Variants in PRKN observed in about 807,000 individuals in gnomAD.
The protein encoded by PRKN is parkin RBR E3 ubiquitin protein ligase.
In PRKN, 56 loss-of-function variants were observed where a neutral mutation model predicts 59.5. The observed-to-expected ratio is 0.94, with a 90% confidence interval of 0.76 to 1.18. The LOEUF (loss-of-function observed/expected upper bound fraction) is 1.18, where lower values mean the gene tolerates loss of function less well. Ranked by LOEUF, PRKN falls within the 50% of genes most tolerant of loss-of-function variation. The probability of loss-of-function intolerance (pLI) is 0.00; values close to 1 mark genes in which losing one functional copy is unlikely to be tolerated. For synonymous variants in PRKN, 250 were observed against 222.1 expected, an observed-to-expected ratio of 1.13 and a Z score of -1.12; for missense variants, 657 against 596.4, an observed-to-expected ratio of 1.10 and a Z score of -1.06.
At chr6:162,454,463 G>A (rs1790770807) in intron 1 of PRKN, among the ~76,000 whole-genome samples, 1 of 152,182 alleles carries the variant, frequency 6.6e-6, no homozygotes, top group Non-Finnish European at 1.5e-5. Context: ...ATAATTGGGA[G>A]ACCATTTACT....
intron 6 of PRKN, among the ~76,000 whole-genome samples, chr6:161,802,265 T>C (rs1158846338): frequency 1.3e-5 from 2 of 152,096 alleles, no homozygotes. Context: ...CAAGTCCTAA[T>C]GGTGACTTTA....
chr6:162,574,682 C>CAT (rs1780487619), intron 1 of PRKN, among the ~76,000 whole-genome samples: 2 of 34,044 alleles, frequency 5.9e-5, no homozygotes, highest in African/African-American at 2.6e-4. Flanking sequence ...AGATTGCTAT[C>CAT]CCCCAAAATG....
intron 7 of PRKN, among the ~76,000 whole-genome samples, chr6:161,671,371 A>AC (rs944444287): frequency 5.3e-5 from 8 of 151,760 alleles, no homozygotes; most frequent in African/African-American, 1.7e-4. Flanking sequence ...ACGGGCTCAG[A>AC]CCCCCCACTG....
chr6:162,046,565 C>G (rs1407543881), intron 5 of PRKN, among the ~76,000 whole-genome samples: 2 of 152,214 alleles, frequency 1.3e-5, no homozygotes, highest in Non-Finnish European at 2.9e-5. Flanking sequence ...AGATTCTCTG[C>G]TACAGCCGCA....
At chr6:162,259,486 A>G (rs2128099062) in intron 3 of PRKN, among the ~76,000 whole-genome samples, 1 of 152,362 alleles carries the variant, frequency 6.6e-6, no homozygotes, top group East Asian at 1.9e-4. Flanking sequence ...AGAAACATGG[A>G]AAAACATGCA....
At chr6:162,102,008 C>T (rs998120354) in intron 4 of PRKN, among the ~76,000 whole-genome samples, 1 of 152,260 alleles carries the variant, frequency 6.6e-6, no homozygotes, top group African/African-American at 2.4e-5. Context: ...TTCTTTCTTA[C>T]CATGTTTTTC....
rs532606976 is a variant in PRKN, at chr6:161,933,265, C to T, written c.734+40037G>A. Among the ~76,000 whole-genome samples, 3 of 151,850 alleles carry T rather than the reference C, an allele frequency of 2.0e-5. No individual in the cohort carries two copies. The East Asian group carries it at 5.8e-4, about 29-fold the overall frequency. ...CTGCACTCCAGCCTGGGTGACAGAG[C>T]GAGACTCCGTTTCAAAACAAAAACA... On this transcript the variant is annotated intron_variant, in intron 6 of 11. Transcript: ENST00000366898.
In PRKN at chr6:161,548,703, A is replaced by T. The variant is rs1779881868; in HGVS notation, c.1083+151T>A. 2.7e-6 allele frequency: 2 copies of T among 741,970 alleles called. No individual in the cohort carries two copies. Among genetic ancestry groups the T allele is most frequent in the Non-Finnish European group, 4.6e-6 (2 of 439,518 alleles). 46.0% of individuals were successfully genotyped at this position (741,970 alleles called of 1,614,324 possible). On this transcript the variant is annotated intron_variant, in intron 9 of 11. Transcript: ENST00000366898. The surrounding 1 kb of genome is among the most constrained non-coding windows in gnomAD (Gnocchi z 4.2). The stretch of plus-strand genomic sequence containing the variant: ...AATTTTCAAATCTGGAGTCCTATAA[A>T]GGAATTTAAAATCTATTTTCTTATA...
At chr6:161,936,812 G>C in intron 6 of PRKN, among the ~76,000 whole-genome samples, 1 of 148,912 alleles carries the variant, frequency 6.7e-6, no homozygotes. Flanking sequence ...TTGAGACAGA[G>C]TCTTGCTCTG....
chr6:162,469,921 G>A (rs1168716783), intron 1 of PRKN, among the ~76,000 whole-genome samples: 2 of 152,070 alleles, frequency 1.3e-5, no homozygotes. Flanking sequence ...GAATGGTAGA[G>A]AAGGAGGGAG....
intron 2 of PRKN, among the ~76,000 whole-genome samples, chr6:162,281,968 G>C (rs1780929793): frequency 6.6e-6 from 1 of 152,134 alleles, no homozygotes; most frequent in South Asian, 2.1e-4. Flanking sequence ...ACACAGCCTA[G>C]ATACCTCACA....
At position 161,390,364 on chromosome 6, in the gene PRKN, T is replaced by C. The variant is rs1278322494; in HGVS notation, c.1084-3487A>G. On this transcript the variant is annotated intron_variant, in intron 9 of 11. Transcript: ENST00000366898. The surrounding 1 kb of genome is among the most constrained non-coding windows in gnomAD (Gnocchi z 7.0). Reference sequence around the variant, plus strand: ...TATTAACTCAAGGTAGTTCCCAGTGTTAATGTAGATTGTGCTATTTTCCTT... The same window carrying C: ...TATTAACTCAAGGTAGTTCCCAGTGCTAATGTAGATTGTGCTATTTTCCTT... Among the ~76,000 whole-genome samples the C allele has an allele frequency of 6.6e-6, 1 of 152,240 alleles. No individual in the cohort carries two copies. Among genetic ancestry groups the C allele is most frequent in the Non-Finnish European group, 1.5e-5 (1 of 68,038 alleles).
At chr6:161,924,072 C>G (rs1159026588) in intron 6 of PRKN, among the ~76,000 whole-genome samples, 1 of 152,148 alleles carries the variant, frequency 6.6e-6, no homozygotes, top group African/African-American at 2.4e-5. Context: ...TACTTAACCT[C>G]TCTGGGGCTC....
intron 7 of PRKN, among the ~76,000 whole-genome samples, chr6:161,727,662 T>A (rs772670551): frequency 1.3e-5 from 2 of 152,194 alleles, no homozygotes; most frequent in Non-Finnish European, 2.9e-5. Context: ...TAAGTCCCCC[T>A]TTAAGCCTTC....
chr6:162,638,960 G>A (rs1220642924), intron 1 of PRKN, among the ~76,000 whole-genome samples: 1 of 151,800 alleles, frequency 6.6e-6, no homozygotes, highest in Non-Finnish European at 1.5e-5. Context: ...TAGCCAGGCT[G>A]GTCTCAAACT....
intron 2 of PRKN, among the ~76,000 whole-genome samples, chr6:162,311,911 A>C (rs1782534781): frequency 6.6e-6 from 1 of 151,874 alleles, no homozygotes; most frequent in Non-Finnish European, 1.5e-5. Context: ...AACATCCCCC[A>C]CAACTATCCC....
At chr6:162,239,665 G>C (rs1481853965) in intron 3 of PRKN, among the ~76,000 whole-genome samples, 2 of 152,036 alleles carry the variant, frequency 1.3e-5, no homozygotes, top group East Asian at 1.9e-4. Context: ...TTCAGCGTAA[G>C]AGCAAAAGCC....
chr6:162,244,341 C>A (rs1229885705), intron 3 of PRKN, among the ~76,000 whole-genome samples: 1 of 151,660 alleles, frequency 6.6e-6, no homozygotes, highest in Non-Finnish European at 1.5e-5. Context: ...TGGAGATACA[C>A]AATATGCTCT....
At chr6:162,303,276 C>A (rs929490626) in intron 2 of PRKN, among the ~76,000 whole-genome samples, 1 of 152,144 alleles carries the variant, frequency 6.6e-6, no homozygotes, top group African/African-American at 2.4e-5. Context: ...TTGAAACTTA[C>A]ACCCAGTTTT....
Sources: gnomAD v4.1 joint callset for allele counts (sites outside exome capture counted in the v4.1 genomes callset) on GRCh38, gnomAD v4.1.1 for gene constraint, Gnocchi (gnomAD v3.1) non-coding constraint, MANE v1.5 for transcripts, NCBI Gene and HGNC (gene_info 2026-07-23, HGNC 2026-07-21) for gene names.